DOCK4: variants seen among roughly 807,000 people sequenced by gnomAD.
DOCK4 encodes the protein dedicator of cytokinesis 4.
DOCK4 carries 97 observed loss-of-function variants against 268.1 expected under a neutral mutation model. The observed-to-expected ratio is 0.36, with a 90% confidence interval of 0.31 to 0.43. DOCK4 has a LOEUF of 0.43. Among genes scored for constraint, DOCK4 ranks in the 20% least tolerant of loss-of-function variants. The probability of loss-of-function intolerance (pLI) is 1.00; values close to 1 mark genes in which losing one functional copy is unlikely to be tolerated. For synonymous variants in DOCK4, 954 were observed against 887.2 expected (o/e 1.08, Z -1.34); for missense variants, 2,145 against 2,455.7 (o/e 0.87, Z 2.67).
At chr7:111,895,183 T>C (rs1808639728) in intron 16 of DOCK4, among the ~76,000 whole-genome samples, 1 of 152,226 alleles carries the variant, frequency 6.6e-6, no homozygotes, top group African/African-American at 2.4e-5. Context: ...GTTGTCATGA[T>C]GAAATACAGC....
chr7:112,158,792 T>C (rs1816837539), intron 1 of DOCK4, among the ~76,000 whole-genome samples: 2 of 152,190 alleles, frequency 1.3e-5, no homozygotes, highest in South Asian at 4.1e-4. Context: ...GCTTCTCAAT[T>C]GTTTGGTTAT....
intron 13 of DOCK4, among the ~76,000 whole-genome samples, chr7:111,903,034 C>G (rs2134431287): frequency 6.6e-6 from 1 of 151,634 alleles, no homozygotes; most frequent in East Asian, 1.9e-4. Flanking sequence ...AAAAAATTTC[C>G]CCATAAGAAA....
chr7:112,042,408 G>C (rs1323206277), intron 1 of DOCK4, among the ~76,000 whole-genome samples: 1 of 152,116 alleles, frequency 6.6e-6, no homozygotes. Context: ...TGCAGACATT[G>C]AGGAAGGATC....
At chr7:111,796,010 T>A (rs1799868447) in intron 30 of DOCK4, among the ~76,000 whole-genome samples, 1 of 152,218 alleles carries the variant, frequency 6.6e-6, no homozygotes, top group Admixed American at 6.5e-5. Flanking sequence ...CCTTGGCCTG[T>A]ATCTTGAGTG....
chr7:112,089,011 G>A (rs992939109), intron 1 of DOCK4, among the ~76,000 whole-genome samples: 2 of 151,902 alleles, frequency 1.3e-5, no homozygotes, highest in African/African-American at 4.8e-5. Context: ...TCGAAGACTT[G>A]GGTCCAAAAA....
At chr7:112,016,393 T>C (rs1290345817) in intron 1 of DOCK4, among the ~76,000 whole-genome samples, 1 of 152,206 alleles carries the variant, frequency 6.6e-6, no homozygotes, top group Non-Finnish European at 1.5e-5. Flanking sequence ...TACATGATGG[T>C]GATAGGTTTT....
intron 1 of DOCK4, among the ~76,000 whole-genome samples, chr7:112,146,931 T>C (rs1382027079): frequency 6.6e-6 from 1 of 152,124 alleles, no homozygotes; most frequent in Non-Finnish European, 1.5e-5. Flanking sequence ...CAAATAAAAA[T>C]GTTTTAAATA....
At chr7:112,061,615 TA>T (rs749578357) in intron 1 of DOCK4, among the ~76,000 whole-genome samples, 1 of 151,338 alleles carries the variant, frequency 6.6e-6, no homozygotes, top group African/African-American at 2.4e-5. Context: ...GGCCACATTA[TA>T]AAAAAAAACT....
chr7:111,923,617 C>A (rs1212092963), intron 12 of DOCK4, among the ~76,000 whole-genome samples: 1 of 152,150 alleles, frequency 6.6e-6, no homozygotes, highest in Admixed American at 6.5e-5. Flanking sequence ...CTTTATCCTA[C>A]TTAATAACAT....
chr7:111,906,416 C>T (rs1471356575), intron 13 of DOCK4, among the ~76,000 whole-genome samples: 1 of 152,058 alleles, frequency 6.6e-6, no homozygotes, highest in Non-Finnish European at 1.5e-5. Flanking sequence ...CAACATAAGT[C>T]ATTTTGAGAG....
At chr7:111,937,992 A>C (rs1438223720) in intron 11 of DOCK4, among the ~76,000 whole-genome samples, 1 of 152,230 alleles carries the variant, frequency 6.6e-6, no homozygotes, top group Admixed American at 6.5e-5. Flanking sequence ...GGTTATTATC[A>C]GTCATTAGCA....
Position 111,742,086 on chromosome 7 carries a change from G to A in DOCK4, c.4724C>T (p.Pro1575Leu), listed in dbSNP as rs1461459850. 1.2e-6 allele frequency: 2 copies of A among 1,603,546 alleles called. No homozygotes were observed. The highest frequency in any genetic ancestry group is 1.3e-5 in the African/African-American group (1 of 74,334). The part of the protein sequence containing the change: ...FGLAVHEKFV[P>L]QDMRPLHKKL... Reference sequence around the variant, plus strand: ...TTTGTGAAGGGGTCTCATATCTTGAGGTACAAACTTCTCATGCACGGCCAA... The same window carrying A: ...TTTGTGAAGGGGTCTCATATCTTGAAGTACAAACTTCTCATGCACGGCCAA... The change falls in exon 45 of 53, where the codon CCT becomes CTT. Residue 1575 changes from proline to leucine, a missense_variant. Coordinates refer to ENST00000428084, the MANE Select transcript of DOCK4 (RefSeq NM_001363540.2).
intron 5 of DOCK4, among the ~76,000 whole-genome samples, chr7:111,992,793 C>G (rs949485870): frequency 3.9e-5 from 6 of 152,086 alleles, no homozygotes; most frequent in African/African-American, 1.4e-4. Flanking sequence ...ACTCTTATAT[C>G]GGGTATTTGG....
intron 1 of DOCK4, among the ~76,000 whole-genome samples, chr7:112,121,460 G>A (rs186987542): frequency 1.3e-5 from 2 of 152,148 alleles, no homozygotes; most frequent in South Asian, 2.1e-4. Flanking sequence ...AATCCACAGG[G>A]GCAAGGTTCC....
chr7:111,869,458 G>T, intron 21 of DOCK4, 116 bp downstream of exon 21: 2 of 885,682 alleles, frequency 2.3e-6, no homozygotes, highest in Non-Finnish European at 1.8e-6. Flanking sequence ...TCCTTGAATT[G>T]GAATGTCAGT....
intron 1 of DOCK4, among the ~76,000 whole-genome samples, chr7:112,136,036 C>T (rs1016759625): frequency 1.3e-5 from 2 of 152,088 alleles, no homozygotes; most frequent in African/African-American, 4.8e-5. Flanking sequence ...TACACCAGTG[C>T]CATGGGTTGA....
chr7:111,828,874 G>A (rs73436219), intron 26 of DOCK4, among the ~76,000 whole-genome samples: 4,378 of 129,280 alleles, frequency 0.034, 202 homozygotes, highest in African/African-American at 0.15. Flanking sequence ...CACTAAAAAT[G>A]TGTGTGTGTG....
At chr7:111,863,642 G>C in intron 22 of DOCK4, 78 bp from the exon 23 acceptor site, 1 of 1,397,612 alleles carries the variant, frequency 7.2e-7, no homozygotes, top group African/African-American at 1.4e-5. Context: ...GTGAGTTTAA[G>C]GACCGTGGCA....
chr7:111,984,179 A>C, intron 7 of DOCK4, 127 bp downstream of exon 7: 1 of 811,924 alleles, frequency 1.2e-6, no homozygotes, highest in East Asian at 2.7e-5. Context: ...TCAGCTCTCA[A>C]GTCTTTTTAC....
Sources: allele counts gnomAD v4.1 joint callset (sites outside exome capture counted in the v4.1 genomes callset), GRCh38; gene constraint gnomAD v4.1.1; transcripts MANE v1.5; gene names NCBI Gene and HGNC (gene_info 2026-07-23, HGNC 2026-07-21).